Variants in NNT observed in about 807,000 individuals in gnomAD.
The protein encoded by NNT is nicotinamide nucleotide transhydrogenase.
NNT carries 50 observed loss-of-function variants against 104.8 expected under a neutral mutation model. The observed-to-expected ratio is 0.48, with a 90% CI of 0.38 to 0.60. NNT has a LOEUF of 0.60. NNT is among the 20% of genes least tolerant of loss of function. The pLI, the probability that NNT is intolerant of heterozygous loss-of-function variation, is 0.00. For missense variants in NNT, 1,131 were observed against 1,330.7 expected, an observed-to-expected ratio of 0.85 and a Z score of 2.33; for synonymous variants, 461 against 490.4, an observed-to-expected ratio of 0.94 and a Z score of 0.79.
chr5:43,603,934 G>A (rs1473120077), intron 1 of NNT, among the ~76,000 whole-genome samples: 1 of 152,168 alleles, frequency 6.6e-6, no homozygotes, highest in Non-Finnish European at 1.5e-5. Flanking sequence ...CCTGGGCAGA[G>A]CTAGTTCAAA....
Position 43,645,374 on chromosome 5 carries a change from C to T in NNT, c.1308C>T (p.Phe436=), listed in dbSNP as rs751527510. The change falls in exon 10 of 22, where the codon TTC becomes TTT. Residue 436 remains phenylalanine (F), a synonymous_variant. Coordinates refer to ENST00000344920, the MANE Select transcript of NNT (RefSeq NM_182977.3). ...TVVMKDGKVI[F]PAPTPKNIPQ... is the part of the protein sequence containing the mutation. The stretch of plus-strand genomic sequence containing the variant: ...TCTATTAGGATGGTAAAGTGATTTT[C>T]CCAGCTCCCACACCGAAAAATATTC... The T allele has an allele frequency of 6.5e-7, 1 of 1,549,810 alleles. No individual in the cohort carries two copies.
chr5:43,678,901 T>C (rs751785389), intron 19 of NNT, among the ~76,000 whole-genome samples: 1 of 152,212 alleles, frequency 6.6e-6, no homozygotes, highest in African/African-American at 2.4e-5. Flanking sequence ...TTCCTACACT[T>C]CCTTTCTTGT....
At chr5:43,688,141 T>G (rs1742077973) in intron 19 of NNT, among the ~76,000 whole-genome samples, 1 of 152,128 alleles carries the variant, frequency 6.6e-6, no homozygotes, top group Admixed American at 6.5e-5. Context: ...CTAATGACTA[T>G]TTTACCTTAC....
rs768504346 is a variant in NNT at position 43,649,192 on chromosome 5, C to T, written c.1490C>T (p.Ala497Val). ...LGLGIAAPNL[A>V]FSQMVTTFGL... The stretch of plus-strand genomic sequence containing the variant: ...TTGGGCATTGCGGCTCCCAATCTAG[C>T]CTTTTCTCAGATGGTGACCACTTTT... The change falls in exon 11 of 22, where the codon GCC (alanine) becomes GTC (valine). Residue 497 changes from alanine to valine, a missense_variant. Physicochemically the swap from Ala to Val is moderately conservative, Grantham distance 64. Coordinates refer to ENST00000344920, the MANE Select transcript of NNT (RefSeq NM_182977.3). 1 of 1,614,170 alleles carries T rather than the reference C, an allele frequency of 6.2e-7. No individual in the cohort carries two copies. The highest frequency in any genetic ancestry group is 1.1e-5 in the South Asian group (1 of 91,084).
chr5:43,701,695 C>T (rs1380997248), intron 20 of NNT, among the ~76,000 whole-genome samples: 4 of 152,180 alleles, frequency 2.6e-5, no homozygotes, highest in Non-Finnish European at 4.4e-5. Flanking sequence ...TTTCTACAAA[C>T]AGCGTGTAAA....
intron 17 of NNT, among the ~76,000 whole-genome samples, chr5:43,667,954 C>T (rs536453705): frequency 4.5e-4 from 69 of 152,264 alleles, no homozygotes; most frequent in African/African-American, 1.4e-3. Context: ...TTTTACTGAT[C>T]GCCATTCTAA....
intron 13 of NNT, among the ~76,000 whole-genome samples, 159 bp downstream of exon 13, chr5:43,652,043 C>T (rs371796824): frequency 2.0e-5 from 3 of 152,192 alleles, no homozygotes; most frequent in African/African-American, 7.2e-5. Context: ...ACTGAGCATT[C>T]TCTTCCCCTA....
Position 43,628,239 on chromosome 5 carries a change from G to A in NNT, c.816G>A (p.Glu272=), listed in dbSNP as rs764529261. ...ALEQFKSLGA[E]PLEVDLKESG... ...AACAGTTCAAGTCTCTTGGTGCTGA[G>A]CCCTTGGAGGTGGACTTGAAGGAAT... The change falls in exon 7 of 22, where the codon GAG becomes GAA. Residue 272 remains glutamate, a synonymous_variant. Coordinates refer to ENST00000344920, the MANE Select transcript of NNT (RefSeq NM_182977.3). The A allele has an allele frequency of 3.1e-6, 5 of 1,613,892 alleles. No individual in the cohort carries two copies. The East Asian group carries it at 1.1e-4, about 36-fold the overall frequency.
At chr5:43,637,583 A>G (rs915232995) in intron 7 of NNT, among the ~76,000 whole-genome samples, 1 of 152,062 alleles carries the variant, frequency 6.6e-6, no homozygotes, top group Non-Finnish European at 1.5e-5. Flanking sequence ...GGACACTCTG[A>G]CTGTGCTCCT....
chr5:43,645,288 A>G (rs754907903), intron 9 of NNT, 69 bp from the exon 10 acceptor site: 53 of 992,958 alleles, frequency 5.3e-5, no homozygotes, highest in Non-Finnish European at 6.7e-5. Context: ...AAAAAATAGT[A>G]TATTCCTTAA....
intron 17 of NNT, among the ~76,000 whole-genome samples, chr5:43,668,312 T>C (rs1459891511): frequency 1.3e-5 from 2 of 152,264 alleles, no homozygotes; most frequent in East Asian, 3.9e-4. Flanking sequence ...ATTTTGGCTT[T>C]TGTTGCCATT....
intron 5 of NNT, among the ~76,000 whole-genome samples, chr5:43,622,863 T>C (rs928105140): frequency 6.6e-6 from 1 of 150,518 alleles, no homozygotes; most frequent in African/African-American, 2.4e-5. Flanking sequence ...TTTTAAATTA[T>C]GGTTTTTTTT....
At chr5:43,693,127 G>A (rs557989650) in intron 19 of NNT, among the ~76,000 whole-genome samples, 8 of 151,078 alleles carry the variant, frequency 5.3e-5, no homozygotes, top group African/African-American at 1.2e-4. Context: ...TATCTCCACC[G>A]TAGAAGACAA....
intron 10 of NNT, chr5:43,648,208 T>A: frequency 9.5e-7 from 1 of 1,057,148 alleles, no homozygotes; most frequent in Non-Finnish European, 1.2e-6. Context: ...AAAACTACAG[T>A]CATATTGAAT....
Position 43,628,260 on chromosome 5 carries a change from G to C in NNT, c.837G>C (p.Lys279Asn), listed in dbSNP as rs147111520. 7 of 1,613,980 alleles carry C rather than the reference G, an allele frequency of 4.3e-6. No individual in the cohort carries two copies. The highest frequency in any genetic ancestry group is 5.9e-6 in the Non-Finnish European group (7 of 1,179,948). ...LGAEPLEVDL[K>N]ESGEGQGGYA... is the part of the protein sequence containing the mutation. ...CTGAGCCCTTGGAGGTGGACTTGAA[G>C]GAATCTGGTGAGGGACAAGGAGGAT... The change falls in exon 7 of 22, where the codon AAG becomes AAC. Residue 279 changes from lysine (K) to asparagine (N), a missense_variant. Coordinates refer to ENST00000344920, the MANE Select transcript of NNT (RefSeq NM_182977.3).
intron 5 of NNT, among the ~76,000 whole-genome samples, chr5:43,621,206 C>T (rs887775145): frequency 6.6e-6 from 1 of 152,196 alleles, no homozygotes; most frequent in Non-Finnish European, 1.5e-5. Flanking sequence ...TTGAATGCGG[C>T]CCAACACAAA....
intron 17 of NNT, among the ~76,000 whole-genome samples, chr5:43,672,324 C>T (rs897568285): frequency 1.8e-4 from 27 of 152,208 alleles, no homozygotes; most frequent in African/African-American, 4.8e-4. Flanking sequence ...CCATTGCTGG[C>T]GAGGAGCTGC....
chr5:43,650,637 A>G, intron 12 of NNT, 50 bp downstream of exon 12: 1 of 1,338,628 alleles, frequency 7.5e-7, no homozygotes, highest in Non-Finnish European at 1.1e-6. Context: ...GAGACATACA[A>G]AGCAAATATA....
intron 18 of NNT, among the ~76,000 whole-genome samples, chr5:43,675,913 A>G (rs1197020974): frequency 6.6e-6 from 1 of 152,136 alleles, no homozygotes; most frequent in African/African-American, 2.4e-5. Flanking sequence ...TCTTTCTGTG[A>G]TTATGTGTAC....
Sources: allele counts gnomAD v4.1 joint callset (sites outside exome capture counted in the v4.1 genomes callset), GRCh38; gene constraint gnomAD v4.1.1; transcripts MANE v1.5; gene names NCBI Gene and HGNC (gene_info 2026-07-23, HGNC 2026-07-21).